Variants in PPEF2 observed in about 807,000 individuals in gnomAD.
PPEF2 encodes serine/threonine-protein phosphatase with EF-hands 2.
PPEF2 carries 84 observed loss-of-function variants against 84.7 expected under a neutral mutation model. The observed-to-expected ratio is 0.99, with a 90% confidence interval of 0.83 to 1.19. The LOEUF (loss-of-function observed/expected upper bound fraction) is 1.19, where lower values mean the gene tolerates loss of function less well. Ranked by LOEUF, PPEF2 falls within the 50% of genes most tolerant of loss-of-function variation. The pLI is 0.00. For missense variants in PPEF2, 924 were observed against 937.5 expected, an observed-to-expected ratio of 0.99 and a Z score of 0.19; for synonymous variants, 346 against 345.2, an observed-to-expected ratio of 1.00 and a Z score of -0.03.
At position 75,873,272 on chromosome 4, in the gene PPEF2, C is replaced by G. The variant is rs772286292; in HGVS notation, c.1361G>C (p.Gly454Ala). Residue 454 changes from glycine to alanine, a missense_variant, in exon 12 of 17, where the codon GGC becomes GCC. By Grantham distance (60) the Gly-to-Ala change is moderately conservative. Coordinates refer to ENST00000286719, the MANE Select transcript of PPEF2 (RefSeq NM_006239.3). The part of the protein sequence containing the change: ...ILWSDPMAQE[G>A]CKANTIRGGG... ...TCCTCGAATAGTGTTGGCCTTGCAGCCCTCTTGAGCCATGGGATCACTCCA... is the reference window on the plus strand; with the variant it reads ...TCCTCGAATAGTGTTGGCCTTGCAGGCCTCTTGAGCCATGGGATCACTCCA... 1.7e-5 allele frequency: 27 copies of G among 1,614,040 alleles called. No homozygotes were observed. The highest frequency in any genetic ancestry group is 2.3e-5 in the Non-Finnish European group (27 of 1,179,996).
In PPEF2 at chr4:75,872,035, T is replaced by C. The variant is rs374184516; in HGVS notation, c.1639A>G (p.Met547Val). 5.0e-6 allele frequency: 8 copies of C among 1,597,802 alleles called. No individual in the cohort carries two copies. Among genetic ancestry groups the C allele is most frequent in the Middle Eastern group, 1.7e-4 (1 of 6,020 alleles). Residue 547 changes from methionine to valine, a missense_variant, in exon 13 of 17, where the codon ATG becomes GTG. Transcript: ENST00000286719. The part of the protein sequence containing the change: ...QANKVTHTLT[M>V]RQRISRVEES... Reference sequence around the variant, plus strand: ...ATTGAAAAGTCTTGCCTTTGCCTCATGGTGAGTGTGTGGGTCACCTTGTTA... The same window carrying C: ...ATTGAAAAGTCTTGCCTTTGCCTCACGGTGAGTGTGTGGGTCACCTTGTTA...
At chr4:75,897,414 G>A (rs1725034071) in intron 1 of PPEF2, among the ~76,000 whole-genome samples, 1 of 152,088 alleles carries the variant, frequency 6.6e-6, no homozygotes, top group Admixed American at 6.5e-5. Flanking sequence ...CTCCATCCCA[G>A]ATGATCCCTA....
chr4:75,888,758 G>A (rs1228826890), intron 5 of PPEF2, among the ~76,000 whole-genome samples: 2 of 152,206 alleles, frequency 1.3e-5, no homozygotes, highest in African/African-American at 4.8e-5. Context: ...CTGATATAGA[G>A]CCAGAAGCTG....
intron 13 of PPEF2, among the ~76,000 whole-genome samples, chr4:75,868,332 AG>A (rs1724185353): frequency 3.4e-5 from 5 of 148,822 alleles, no homozygotes; most frequent in African/African-American, 4.9e-5. Flanking sequence ...AAAAAAAAAA[AG>A]AATATAAAAA....
chr4:75,899,424 A>G (rs1344966553), intron 1 of PPEF2, among the ~76,000 whole-genome samples: 1 of 152,136 alleles, frequency 6.6e-6, no homozygotes, highest in Admixed American at 6.6e-5. Context: ...TTTTTATACA[A>G]CAAAGATGAC....
intron 6 of PPEF2, 102 bp downstream of exon 6, chr4:75,888,109 TATC>T: frequency 2.3e-6 from 2 of 860,944 alleles, no homozygotes; most frequent in Non-Finnish European, 1.9e-6. Flanking sequence ...AAATTTGGCT[TATC>T]ATCACATCTC....
chr4:75,888,207 C>T lies in PPEF2; in HGVS notation c.532+7G>A, dbSNP rs1415756246. ...AGCATGGAAAGCCGTTTCTGACCAG[C>T]TCTTACCACACACTGTGATCTCCTC... On this transcript the variant is annotated splice_region_variant and intron_variant, in intron 6 of 16. Transcript: ENST00000286719. The T allele has an allele frequency of 6.3e-7, 1 of 1,592,502 alleles. No homozygotes were observed. Among genetic ancestry groups the T allele is most frequent in the South Asian group, 1.1e-5 (1 of 90,642 alleles).
At position 75,866,303 on chromosome 4, in the gene PPEF2, G is replaced by C. The variant is rs1425070236; in HGVS notation, c.1806C>G (p.His602Gln). ...TCAGCATCCGCCATGGCAGTCCTAG[G>C]TGCAACACAGACTCCACCGCTGCTG... ...DWAAAVESVL[H>Q]LGLPWRMLRP... is the part of the protein sequence containing the mutation. Residue 602 changes from histidine (H) to glutamine (Q), a missense_variant, in exon 15 of 17, where the codon CAC (histidine) becomes CAG (glutamine). Physicochemically the swap from His to Gln is conservative, Grantham distance 24 (BLOSUM62 0). Coordinates refer to ENST00000286719, the MANE Select transcript of PPEF2 (RefSeq NM_006239.3). 3.1e-6 allele frequency: 5 copies of C among 1,614,154 alleles called. No individual in the cohort carries two copies. The South Asian group carries it at 5.5e-5, about 18-fold the overall frequency.
At chr4:75,880,939 A>G (rs543066782) in intron 10 of PPEF2, among the ~76,000 whole-genome samples, 247 of 151,168 alleles carry the variant, frequency 1.6e-3, no homozygotes, top group Non-Finnish European at 3.1e-3. Flanking sequence ...AGCTGGGACT[A>G]CAGGCGCACG....
At chr4:75,867,535 T>A in intron 13 of PPEF2, 116 bp from the exon 14 acceptor site, 1 of 751,200 alleles carries the variant, frequency 1.3e-6, no homozygotes, top group Non-Finnish European at 2.2e-6. Flanking sequence ...AAGAGCTCAG[T>A]TTTCGAGGGA....
rs371148899 is a variant in PPEF2, at chr4:75,876,428, G to A, written c.1179C>T (p.Ser393=). ...GGCACCGCTCTAGCTCCAGTTCCAC[G>A]GAGCTCCGCACCTGCCGGGAGAGCT... ...GRELSRQVRS[S]VELELERCRQ... The change falls in exon 11 of 17, where the codon TCC becomes TCT. Residue 393 remains serine (S), a synonymous_variant. Coordinates refer to ENST00000286719, the MANE Select transcript of PPEF2 (RefSeq NM_006239.3). 1.4e-5 allele frequency: 22 copies of A among 1,613,998 alleles called. No individual in the cohort carries two copies. The highest frequency in any genetic ancestry group is 2.7e-5 in the African/African-American group (2 of 74,932).
intron 10 of PPEF2, among the ~76,000 whole-genome samples, chr4:75,880,747 A>C (rs1351508064): frequency 6.6e-6 from 1 of 151,688 alleles, no homozygotes; most frequent in Non-Finnish European, 1.5e-5. Flanking sequence ...GAATTACTTG[A>C]GCCCAGGAAT....
chr4:75,867,768 G>A (rs1724167141), intron 13 of PPEF2, among the ~76,000 whole-genome samples: 1 of 152,172 alleles, frequency 6.6e-6, no homozygotes, highest in African/African-American at 2.4e-5. Flanking sequence ...ATTACAATGA[G>A]TAATTTCATG....
intron 1 of PPEF2, among the ~76,000 whole-genome samples, chr4:75,897,823 G>T (rs1025392144): frequency 6.6e-6 from 1 of 152,066 alleles, no homozygotes. Context: ...CTCGTCTGCC[G>T]AGACCAGCTC....
At chr4:75,879,974 G>GC (rs1560483817) in intron 10 of PPEF2, among the ~76,000 whole-genome samples, 1 of 151,856 alleles carries the variant, frequency 6.6e-6, no homozygotes, top group African/African-American at 2.4e-5. Flanking sequence ...GAGTATAGGC[G>GC]CGCGTCACCA....
At position 75,864,421 on chromosome 4, in the gene PPEF2, G is replaced by C. The variant is rs1724078714; in HGVS notation, c.2008+19C>G. ...TACTTGCAGTGCTTCAAAAGTGATA[G>C]AATAATGAGTGCCTTTACCTGAATG... On this transcript the variant is annotated intron_variant, in intron 16 of 16. Coordinates refer to ENST00000286719, the MANE Select transcript of PPEF2 (RefSeq NM_006239.3). 1 of 1,552,848 alleles carries C rather than the reference G, an allele frequency of 6.4e-7. No individual in the cohort carries two copies. The highest frequency in any genetic ancestry group is 1.1e-5 in the South Asian group (1 of 89,538).
At chr4:75,864,560 A>T (rs200071084) in intron 15 of PPEF2, 33 bp from the exon 16 acceptor site, 4 of 1,504,500 alleles carry the variant, frequency 2.7e-6, no homozygotes, top group Non-Finnish European at 3.7e-6. Context: ...CTTCTTTGTC[A>T]TACGTTTAGA....
Position 75,902,314 on chromosome 4 carries a change from T to A in PPEF2, c.-143A>T, listed in dbSNP as rs1252368437. ...TGCAGGCGTGATCCCCATCCTGTCTTCAGAGTTGGCTGAGGGATCCCAGGC... is the reference window on the plus strand; with the variant it reads ...TGCAGGCGTGATCCCCATCCTGTCTACAGAGTTGGCTGAGGGATCCCAGGC... On this transcript the variant is annotated 5_prime_UTR_variant, in exon 1 of 17. Transcript: ENST00000286719. 1.3e-5 allele frequency: 2 copies of A among 152,238 alleles called. No homozygotes were observed. Among genetic ancestry groups the A allele is most frequent in the African/African-American group, 4.8e-5 (2 of 41,466 alleles). The allele number at this position is 152,238 out of a possible 1,614,324, so 9.4% of individuals were successfully genotyped here. A position where few individuals can be genotyped will look rare whatever the true frequency, so the allele number is the denominator to read the frequency against.
At chr4:75,899,207 G>A (rs181886434) in intron 1 of PPEF2, among the ~76,000 whole-genome samples, 11 of 152,158 alleles carry the variant, frequency 7.2e-5, no homozygotes, top group African/African-American at 2.7e-4. Flanking sequence ...TTTTATGGCT[G>A]AATAGTATTC....
Sources: allele counts gnomAD v4.1 joint callset (sites outside exome capture counted in the v4.1 genomes callset), GRCh38; gene constraint gnomAD v4.1.1; transcripts MANE v1.5; gene names NCBI Gene and HGNC (gene_info 2026-07-23, HGNC 2026-07-21).